PVT1: variants seen among roughly 807,000 people sequenced by gnomAD.
PVT1 encodes CXCR4/PVT1 fusion.
At chr8:127,886,219 C>G (rs1475705720) in intron 2 of PVT1, among the ~76,000 whole-genome samples, 1 of 152,182 alleles carries the variant, frequency 6.6e-6, no homozygotes, top group African/African-American at 2.4e-5. Flanking sequence ...ATTAGAACCA[C>G]TGTTTTTCTC....
At chr8:128,005,973 CGCGCCT>C (rs1280542689) in intron 4 of PVT1, among the ~76,000 whole-genome samples, 1 of 151,826 alleles carries the variant, frequency 6.6e-6, no homozygotes, top group African/African-American at 2.4e-5. Flanking sequence ...TGTGGTAGTG[CGCGCCT>C]GTAGTCCCAG....
chr8:128,054,736 G>A (rs1298731643), intron 4 of PVT1, among the ~76,000 whole-genome samples: 1 of 152,176 alleles, frequency 6.6e-6, no homozygotes, highest in African/African-American at 2.4e-5. Context: ...GACTGTGACT[G>A]GGAATGCTGG....
chr8:128,010,983 A>G (rs957037245), intron 4 of PVT1, among the ~76,000 whole-genome samples: 1 of 152,252 alleles, frequency 6.6e-6, no homozygotes, highest in Admixed American at 6.5e-5. Context: ...CTTAATCTCT[A>G]GAATAAAATC....
chr8:127,816,998 T>G (rs1205193657), intron 2 of PVT1, among the ~76,000 whole-genome samples: 2 of 152,124 alleles, frequency 1.3e-5, no homozygotes, highest in Admixed American at 6.6e-5. Context: ...TGTGAGTTGT[T>G]CGCAGGTGTC....
chr8:127,850,083 G>A (rs111604782), intron 2 of PVT1, among the ~76,000 whole-genome samples: 28 of 152,232 alleles, frequency 1.8e-4, no homozygotes, highest in African/African-American at 6.7e-4. Flanking sequence ...CATATGCATG[G>A]GTACACAGCC....
At chr8:128,065,724 A>G (rs1187649760) in intron 4 of PVT1, among the ~76,000 whole-genome samples, 3 of 150,056 alleles carry the variant, frequency 2.0e-5, no homozygotes, top group African/African-American at 4.9e-5. Flanking sequence ...CAAGGGGGGA[A>G]GAAGTGCTGA....
chr8:128,039,035 C>G (rs1813498749), intron 4 of PVT1, among the ~76,000 whole-genome samples: 1 of 152,166 alleles, frequency 6.6e-6, no homozygotes, highest in Non-Finnish European at 1.5e-5. Context: ...CGGATCAGCT[C>G]CATTTGCTGA....
intron 2 of PVT1, among the ~76,000 whole-genome samples, chr8:127,811,401 C>A (rs1327975625): frequency 6.6e-6 from 1 of 152,192 alleles, no homozygotes; most frequent in Admixed American, 6.5e-5. Context: ...TGCCTCTAAC[C>A]CATTGCACAA....
In PVT1 at chr8:127,871,093, G is replaced by A. The variant is rs187289840; in HGVS notation, n.373-19496G>A. Among the ~76,000 whole-genome samples the A allele has an allele frequency of 2.1e-3, 320 of 152,282 alleles. 3 individuals carry two copies. The highest frequency in any genetic ancestry group is 6.7e-3 in the African/African-American group (280 of 41,556). ...GTGGGTGGGTTGAAAACCATGCCCT[G>A]TCTACCTCCTCTGCAAGGAAAAAAT... is the stretch of plus-strand genomic sequence containing the variant. On this transcript the variant is annotated intron_variant and non_coding_transcript_variant, in intron 2 of 10. Transcript: ENST00000651587.
At chr8:127,944,477 C>G (rs914442052) in intron 3 of PVT1, among the ~76,000 whole-genome samples, 3 of 152,234 alleles carry the variant, frequency 2.0e-5, no homozygotes, top group Non-Finnish European at 2.9e-5. Flanking sequence ...GTACTGACCT[C>G]ACCGGGCTGT....
intron 5 of PVT1, among the ~76,000 whole-genome samples, chr8:128,083,498 C>T (rs1385651306): frequency 6.6e-6 from 1 of 152,196 alleles, no homozygotes; most frequent in Non-Finnish European, 1.5e-5. Flanking sequence ...CAAAAAAAGG[C>T]TCCTTAGAGA....
rs148572863 is a variant in PVT1 at position 127,923,914 on chromosome 8, T to C, written n.782+32916T>C. 2.9e-3 allele frequency among the ~76,000 whole-genome samples: 445 copies of C among 152,302 alleles called. 3 individuals are homozygous for C. Among genetic ancestry groups the C allele is most frequent in the African/African-American group, 0.01 (429 of 41,564 alleles). ...CTGCATCAGCCTTCCCAAGTACAGA[T>C]TGAACATTAAACAAACAGTGACGGC... On this transcript the variant is annotated intron_variant and non_coding_transcript_variant, in intron 3 of 10. Coordinates refer to ENST00000651587, the Ensembl canonical transcript of PVT1.
At chr8:128,041,408 TGTGTGTTTGTGCTC>T (rs1813537902) in intron 4 of PVT1, among the ~76,000 whole-genome samples, 1 of 143,222 alleles carries the variant, frequency 7.0e-6, no homozygotes, top group Non-Finnish European at 1.5e-5. Context: ...TTTGTGTGCA[TGTGTGTTTGTGCTC>T]GTGTGTTTGT....
At chr8:127,822,148 T>C (rs745612643) in intron 2 of PVT1, among the ~76,000 whole-genome samples, 1 of 152,136 alleles carries the variant, frequency 6.6e-6, no homozygotes, top group African/African-American at 2.4e-5. Context: ...CCTAGAATAG[T>C]GTCTGGCCCG....
intron 4 of PVT1, among the ~76,000 whole-genome samples, chr8:128,062,176 G>T (rs1813839437): frequency 2.0e-5 from 3 of 152,242 alleles, no homozygotes; most frequent in Admixed American, 6.5e-5. Flanking sequence ...CACTTGGAGG[G>T]CTGCCCCCTG....
At chr8:127,861,380 G>A (rs1329335274) in intron 2 of PVT1, among the ~76,000 whole-genome samples, 1 of 152,166 alleles carries the variant, frequency 6.6e-6, no homozygotes, top group South Asian at 2.1e-4. Context: ...AGGCCAAGGC[G>A]GGTGGATCAC....
chr8:128,061,161 C>T (rs978689880), intron 4 of PVT1, among the ~76,000 whole-genome samples: 8 of 152,304 alleles, frequency 5.3e-5, no homozygotes, highest in African/African-American at 1.7e-4. Context: ...CTGCCCCTTT[C>T]GGCCTCCAAA....
chr8:127,944,936 C>T (rs1014981679), intron 3 of PVT1, among the ~76,000 whole-genome samples: 6 of 152,166 alleles, frequency 3.9e-5, no homozygotes, highest in Non-Finnish European at 7.4e-5. Context: ...GTAATGGGAA[C>T]CTCTCCTGGG....
At chr8:128,086,665 T>C (rs1033369184) in intron 5 of PVT1, among the ~76,000 whole-genome samples, 1 of 152,248 alleles carries the variant, frequency 6.6e-6, no homozygotes, top group Non-Finnish European at 1.5e-5. Flanking sequence ...ACCATCTTAC[T>C]TTGTTCAGTA....
Sources: allele counts gnomAD v4.1 joint callset (sites outside exome capture counted in the v4.1 genomes callset), GRCh38; gene constraint gnomAD v4.1.1; transcripts MANE v1.5; gene names NCBI Gene and HGNC (gene_info 2026-07-23, HGNC 2026-07-21).